Variants in PARP15 observed in about 807,000 individuals in gnomAD.
PARP15 encodes the protein poly(ADP-ribose) polymerase family member 15.
In PARP15, 50 loss-of-function variants were observed where a neutral mutation model predicts 62.1. That is an observed-to-expected ratio of 0.81 (90% CI 0.64 to 1.02). The LOEUF is 1.02. Ranked by LOEUF, PARP15 falls within the 50% of genes least tolerant of loss-of-function variation. The pLI, the probability that PARP15 is intolerant of heterozygous loss-of-function variation, is 0.00. For missense variants in PARP15, 820 were observed against 826.5 expected (o/e 0.99, Z 0.10); for synonymous variants, 309 against 293.1 (o/e 1.05, Z -0.55).
intron 1 of PARP15, chr3:122,594,435 A>G (rs1397668261): frequency 2.0e-6 from 1 of 492,848 alleles, no homozygotes; most frequent in African/African-American, 2.1e-5. Flanking sequence ...TACTATTATC[A>G]TATTACAAAG....
rs1936775651 is a variant in PARP15 at position 122,626,978 on chromosome 3, A to G, written c.1383A>G (p.Lys461=). ...ELLNIFYDSM[K]KRDLSASLNF... ...TAAATATATTCTACGACAGCATGAA[A>G]AAAAGAGACCTCTCTGCATCACTGA... Residue 461 remains lysine, a synonymous_variant, in exon 9 of 12, where the codon AAA becomes AAG. Transcript: ENST00000464300. 2 of 1,614,064 alleles carry G rather than the reference A, an allele frequency of 1.2e-6. No homozygotes were observed. The highest frequency in any genetic ancestry group is 1.7e-6 in the Non-Finnish European group (2 of 1,179,988).
intron 5 of PARP15, among the ~76,000 whole-genome samples, 182 bp from the exon 6 acceptor site, chr3:122,616,833 T>G (rs1382303369): frequency 6.6e-6 from 1 of 152,200 alleles, no homozygotes; most frequent in Non-Finnish European, 1.5e-5. Flanking sequence ...AAGCGTTATT[T>G]TCTAATTTCC....
rs1933943390 is a variant in PARP15 at position 122,591,768 on chromosome 3, A to AGGT, written c.186+13915_186+13916insGGT. Among the ~76,000 whole-genome samples, 3 of 151,664 alleles carry AGGT rather than the reference A, an allele frequency of 2.0e-5. No homozygotes were observed. The South Asian group carries it at 6.3e-4, about 32-fold the overall frequency. The stretch of plus-strand genomic sequence containing the variant: ...TGACAGAGCGAGACTCTGTCTCAAA[A>AGGT]AAAAAAAAAAAAAGGTATTGATAAG... On this transcript the variant is annotated intron_variant, in intron 1 of 11. Transcript: ENST00000464300.
At chr3:122,602,119 C>T (rs1389227114) in intron 1 of PARP15, among the ~76,000 whole-genome samples, 1 of 152,150 alleles carries the variant, frequency 6.6e-6, no homozygotes, top group Admixed American at 6.6e-5. Context: ...TTGTGCCTCT[C>T]CCAGATGCCC....
chr3:122,629,919 G>T (rs959194987), intron 9 of PARP15, among the ~76,000 whole-genome samples: 1 of 152,160 alleles, frequency 6.6e-6, no homozygotes, highest in Non-Finnish European at 1.5e-5. Context: ...TAATGTGAAT[G>T]ATAGGGAGCA....
chr3:122,593,486 C>T (rs546567160), intron 1 of PARP15, among the ~76,000 whole-genome samples: 2 of 151,958 alleles, frequency 1.3e-5, no homozygotes, highest in South Asian at 2.1e-4. Flanking sequence ...ATTAAGATAA[C>T]GTGGATTCAC....
At chr3:122,625,256 TTTG>T (rs1381634297) in intron 8 of PARP15, among the ~76,000 whole-genome samples, 6 of 151,964 alleles carry the variant, frequency 3.9e-5, no homozygotes, top group Non-Finnish European at 8.8e-5. Context: ...TGTTTGTTTT[TTTG>T]TTGTTGTTTT....
At chr3:122,584,438 G>A (rs12496958) in intron 1 of PARP15, among the ~76,000 whole-genome samples, 56,373 of 151,774 alleles carry the variant, frequency 0.37, 10,892 homozygotes, top group Admixed American at 0.46. Context: ...ACAATGTTAA[G>A]TCATAGTTAC....
chr3:122,626,790 C>G, intron 8 of PARP15, 37 bp from the exon 9 acceptor site: 1 of 1,578,580 alleles, frequency 6.3e-7, no homozygotes, highest in Non-Finnish European at 8.7e-7. Context: ...TTAGCAACAT[C>G]GGGGGAAACT....
At chr3:122,635,760 A>T (rs1341788418) in intron 11 of PARP15, 51 bp from the exon 12 acceptor site, 1 of 1,562,634 alleles carries the variant, frequency 6.4e-7, no homozygotes. Context: ...ATGGTTCTAC[A>T]CATTGTGTAA....
chr3:122,595,438 G>C (rs556471484), intron 1 of PARP15, among the ~76,000 whole-genome samples: 70 of 152,100 alleles, frequency 4.6e-4, no homozygotes, highest in African/African-American at 1.7e-3. Flanking sequence ...CCTTTTACTC[G>C]ATCTCTTAGC....
At chr3:122,631,466 G>A (rs1937056733) in intron 9 of PARP15, among the ~76,000 whole-genome samples, 1 of 152,180 alleles carries the variant, frequency 6.6e-6, no homozygotes. Flanking sequence ...CTAATGCAGG[G>A]TGTCCGTATT....
At chr3:122,591,592 C>G (rs1933919584) in intron 1 of PARP15, among the ~76,000 whole-genome samples, 1 of 152,024 alleles carries the variant, frequency 6.6e-6, no homozygotes, top group Admixed American at 6.6e-5. Context: ...GAAACTGCAT[C>G]TCTACTAAAA....
chr3:122,590,277 A>AAT (rs1462952935), intron 1 of PARP15, among the ~76,000 whole-genome samples: 1 of 151,524 alleles, frequency 6.6e-6, no homozygotes, highest in Admixed American at 6.6e-5. Context: ...AGTTCCAAAT[A>AAT]ATATATATAT....
intron 1 of PARP15, among the ~76,000 whole-genome samples, chr3:122,605,625 G>C (rs977364497): frequency 6.6e-6 from 1 of 152,096 alleles, no homozygotes; most frequent in Admixed American, 6.5e-5. Context: ...GCAGGCTGGA[G>C]TGCAGTGGTG....
At position 122,615,463 on chromosome 3, in the gene PARP15, C is replaced by T. The variant is rs1576524150; in HGVS notation, c.772-316C>T. The T allele has an allele frequency of 4.1e-6, 5 of 1,231,486 alleles. No individual in the cohort carries two copies. In the East Asian group the frequency reaches 2.2e-4, roughly 53 times the overall value. 76.3% of individuals were successfully genotyped at this position (1,231,486 alleles called of 1,614,324 possible). On this transcript the variant is annotated intron_variant, in intron 4 of 11. Coordinates refer to ENST00000464300, the MANE Select transcript of PARP15 (RefSeq NM_001113523.3). ...GATGTAGGAGATTAGAATTATGGGGCTTCAAAAGAGGAGGGATAACGATAG... is the reference window on the plus strand; with the variant it reads ...GATGTAGGAGATTAGAATTATGGGGTTTCAAAAGAGGAGGGATAACGATAG...
At chr3:122,602,050 C>G (rs192405357) in intron 1 of PARP15, among the ~76,000 whole-genome samples, 1 of 152,280 alleles carries the variant, frequency 6.6e-6, no homozygotes, top group East Asian at 1.9e-4. Context: ...GCCACATTCT[C>G]TTTCTCTCAA....
At chr3:122,597,866 A>G (rs912773523) in intron 1 of PARP15, among the ~76,000 whole-genome samples, 2 of 152,194 alleles carry the variant, frequency 1.3e-5, no homozygotes, top group Non-Finnish European at 2.9e-5. Flanking sequence ...TAGTATTTGC[A>G]TGTAACCTAC....
intron 1 of PARP15, among the ~76,000 whole-genome samples, chr3:122,589,287 A>G (rs1489106937): frequency 6.6e-6 from 1 of 152,144 alleles, no homozygotes; most frequent in Non-Finnish European, 1.5e-5. Context: ...GACCTCATCT[A>G]AACGTAATTG....
Sources: gnomAD v4.1 joint callset for allele counts (sites outside exome capture counted in the v4.1 genomes callset) on GRCh38, gnomAD v4.1.1 for gene constraint, MANE v1.5 for transcripts, NCBI Gene and HGNC (gene_info 2026-07-23, HGNC 2026-07-21) for gene names.